KPNA1: variants seen among roughly 807,000 people sequenced by gnomAD.
KPNA1 encodes the protein karyopherin subunit alpha 1.
A neutral mutation model predicts 70.5 loss-of-function variants in KPNA1; 10 were observed. The observed-to-expected ratio is 0.14, with a 90% CI of 0.09 to 0.24. The LOEUF (loss-of-function observed/expected upper bound fraction) is 0.24. Among genes scored for constraint, KPNA1 ranks in the 10% least tolerant of loss-of-function variants. KPNA1 has a pLI of 1.00. For synonymous variants in KPNA1, 192 were observed against 221.9 expected, an observed-to-expected ratio of 0.87 and a Z score of 1.20; for missense variants, 397 against 637.9, an observed-to-expected ratio of 0.62 and a Z score of 4.07.
intron 3 of KPNA1, among the ~76,000 whole-genome samples, chr3:122,467,000 C>CA (rs1195474004): frequency 1.3e-4 from 18 of 133,418 alleles, no homozygotes; most frequent in Non-Finnish European, 2.5e-4. Flanking sequence ...GACCCTGTCT[C>CA]TAAAACATAA....
chr3:122,500,532 G>A (rs2076815867), intron 1 of KPNA1, among the ~76,000 whole-genome samples: 1 of 150,982 alleles, frequency 6.6e-6, no homozygotes, highest in African/African-American at 2.4e-5. Context: ...CTCTCTCTCT[G>A]TTGCCCAGGC....
At chr3:122,472,216 G>C (rs764209258) in intron 2 of KPNA1, among the ~76,000 whole-genome samples, 1 of 151,910 alleles carries the variant, frequency 6.6e-6, no homozygotes, top group Non-Finnish European at 1.5e-5. Context: ...ACATTCAAAA[G>C]AACAAGTTAT....
chr3:122,512,923 TATA>T (rs141494669), intron 1 of KPNA1, among the ~76,000 whole-genome samples: 33,947 of 151,984 alleles, frequency 0.22, 4,181 homozygotes, highest in Non-Finnish European at 0.27. Context: ...GCTACTCAAC[TATA>T]ATAACTGACA....
chr3:122,422,358 A>C lies in KPNA1; in HGVS notation c.*4627T>G, dbSNP rs1027654333. 1.3e-5 allele frequency: 2 copies of C among 152,110 alleles called. No individual in the cohort carries two copies. Among genetic ancestry groups the C allele is most frequent in the Non-Finnish European group, 2.9e-5 (2 of 68,006 alleles). The allele number at this position is 152,110 out of a possible 1,614,324, so 9.4% of individuals were successfully genotyped here. ...AAATCATTTGCACAAAAAAAAAAAAAAAAAAAACCTATTACCATACTTGTC... is the reference window on the plus strand; with the variant it reads ...AAATCATTTGCACAAAAAAAAAAAACAAAAAAACCTATTACCATACTTGTC... On this transcript the variant is annotated 3_prime_UTR_variant, in exon 14 of 14. Transcript: ENST00000344337.
chr3:122,489,929 A>C (rs897573516), intron 2 of KPNA1, among the ~76,000 whole-genome samples: 4 of 152,194 alleles, frequency 2.6e-5, no homozygotes, highest in African/African-American at 9.6e-5. Flanking sequence ...ACAGCTCATT[A>C]ATCTCCACTA....
chr3:122,460,990 A>G (rs1707596259), intron 5 of KPNA1, among the ~76,000 whole-genome samples: 1 of 152,188 alleles, frequency 6.6e-6, no homozygotes, highest in South Asian at 2.1e-4. Context: ...GAGAAGTATT[A>G]TCCACAATCA....
At chr3:122,498,015 C>A (rs2107500172) in intron 1 of KPNA1, among the ~76,000 whole-genome samples, 1 of 152,234 alleles carries the variant, frequency 6.6e-6, no homozygotes, top group South Asian at 2.1e-4. Context: ...TTAACTGATA[C>A]ATTTAAGTCT....
intron 10 of KPNA1, among the ~76,000 whole-genome samples, chr3:122,439,058 C>T (rs908671365): frequency 6.6e-6 from 1 of 152,064 alleles, no homozygotes; most frequent in African/African-American, 2.4e-5. Flanking sequence ...AAAATGAAGT[C>T]TTTTATGCCT....
intron 11 of KPNA1, 43 bp downstream of exon 11, chr3:122,437,127 T>G (rs1347783159): frequency 6.3e-7 from 1 of 1,588,714 alleles, no homozygotes; most frequent in Non-Finnish European, 8.6e-7. Flanking sequence ...ACCTTACTTT[T>G]CAATAAAAAT....
At chr3:122,477,191 A>G (rs2076511559) in intron 2 of KPNA1, among the ~76,000 whole-genome samples, 1 of 152,196 alleles carries the variant, frequency 6.6e-6, no homozygotes, top group Non-Finnish European at 1.5e-5. Flanking sequence ...CCACATAAGC[A>G]TCTCACTTTT....
At chr3:122,507,471 C>T (rs1207184968) in intron 1 of KPNA1, among the ~76,000 whole-genome samples, 1 of 149,708 alleles carries the variant, frequency 6.7e-6, no homozygotes, top group Non-Finnish European at 1.5e-5. Flanking sequence ...GAGAAGATAT[C>T]AGCATATAAA....
At chr3:122,478,477 G>A (rs533097316) in intron 2 of KPNA1, among the ~76,000 whole-genome samples, 9 of 145,496 alleles carry the variant, frequency 6.2e-5, no homozygotes, top group Admixed American at 1.4e-4. Context: ...AAATTTAATC[G>A]CAGCACTTGG....
At chr3:122,507,835 G>A (rs1041620523) in intron 1 of KPNA1, among the ~76,000 whole-genome samples, 8 of 151,104 alleles carry the variant, frequency 5.3e-5, no homozygotes, top group East Asian at 3.9e-4. Context: ...ATTTTTAATC[G>A]CAAAAACTTG....
intron 8 of KPNA1, among the ~76,000 whole-genome samples, chr3:122,450,001 T>C (rs747690739): frequency 2.0e-5 from 3 of 152,238 alleles, no homozygotes; most frequent in Non-Finnish European, 4.4e-5. Context: ...TAAGACTCCC[T>C]ATCAAAACAC....
chr3:122,463,885 TG>T, intron 4 of KPNA1, 56 bp downstream of exon 4: 1 of 928,836 alleles, frequency 1.1e-6, no homozygotes, highest in Non-Finnish European at 1.7e-6. Flanking sequence ...AAACAGACTA[TG>T]GGAAAGTAAT....
In KPNA1 at chr3:122,425,914, A is replaced by G. The variant is rs989823524; in HGVS notation, c.*1071T>C. 6.6e-6 allele frequency: 1 copy of G among 152,620 alleles called. No individual in the cohort carries two copies. Among genetic ancestry groups the G allele is most frequent in the Non-Finnish European group, 1.5e-5 (1 of 68,034 alleles). 9.5% of individuals were successfully genotyped at this position (152,620 alleles called of 1,614,324 possible). A position where few individuals can be genotyped will look rare whatever the true frequency, so the allele number is the denominator to read the frequency against. ...GATTAGAATCGAGCTGCACCTAAGA[A>G]AAAAATCCCAAAGTTACTTTCAAAA... On this transcript the variant is annotated 3_prime_UTR_variant, in exon 14 of 14. Transcript: ENST00000344337.
At chr3:122,475,913 T>A (rs900158220) in intron 2 of KPNA1, among the ~76,000 whole-genome samples, 1 of 152,034 alleles carries the variant, frequency 6.6e-6, no homozygotes, top group South Asian at 2.1e-4. Context: ...CATCTTCAAG[T>A]TGAGTAAGCT....
At chr3:122,459,491 T>A in intron 5 of KPNA1, 9 of 985,424 alleles carry the variant, frequency 9.1e-6, no homozygotes, top group Non-Finnish European at 1.1e-5. Context: ...AGGTTCCTCA[T>A]TTGGTCCCTC....
At chr3:122,460,256 C>T in intron 5 of KPNA1, 3 of 985,002 alleles carry the variant, frequency 3.0e-6, no homozygotes, top group Non-Finnish European at 3.6e-6. Flanking sequence ...TTCTAAAAAC[C>T]CAACTTTATC....
Sources: allele counts gnomAD v4.1 joint callset (sites outside exome capture counted in the v4.1 genomes callset), GRCh38; gene constraint gnomAD v4.1.1; transcripts MANE v1.5; gene names NCBI Gene and HGNC (gene_info 2026-07-23, HGNC 2026-07-21).